TSHZ3: variants seen among roughly 807,000 people sequenced by gnomAD.
TSHZ3 encodes teashirt zinc finger homeobox 3.
In TSHZ3, 10 loss-of-function variants were observed where a neutral mutation model predicts 64.5. That is an observed-to-expected ratio of 0.16 (90% CI 0.10 to 0.26). The LOEUF (loss-of-function observed/expected upper bound fraction) is 0.26. TSHZ3 is among the 10% of genes least tolerant of loss of function. TSHZ3 has a pLI of 1.00. For missense variants in TSHZ3, 1,242 were observed against 1,421.7 expected (o/e 0.87, Z 2.03); for synonymous variants, 608 against 593.1 (o/e 1.03, Z -0.36).
chr19:31,258,527 C>G (rs747592632), intron 1 of TSHZ3, among the ~76,000 whole-genome samples: 13 of 152,162 alleles, frequency 8.5e-5, no homozygotes, highest in Admixed American at 2.6e-4. Flanking sequence ...CCAGCAGCAC[C>G]CTATCAGGCA....
chr19:31,165,170 CG>C (rs1307963080), intron 5 of TSHZ3, among the ~76,000 whole-genome samples: 16 of 152,212 alleles, frequency 1.1e-4, no homozygotes, highest in African/African-American at 3.9e-4. Context: ...CACCGCTTAG[CG>C]GTTCCTTTCA....
intron 5 of TSHZ3, among the ~76,000 whole-genome samples, chr19:31,184,041 A>T (rs1599567294): frequency 6.6e-6 from 1 of 152,282 alleles, no homozygotes; most frequent in African/African-American, 2.4e-5. Flanking sequence ...GAACGTGACG[A>T]TATTATGACC....
At chr19:31,344,011 T>C (rs897152906) in intron 1 of TSHZ3, among the ~76,000 whole-genome samples, 5 of 152,194 alleles carry the variant, frequency 3.3e-5, no homozygotes, top group African/African-American at 1.2e-4. Flanking sequence ...TATGCATGTG[T>C]CAAAGAATTT....
chr19:31,228,456 G>A (rs1175612505), intron 3 of TSHZ3, among the ~76,000 whole-genome samples: 1 of 150,558 alleles, frequency 6.6e-6, no homozygotes, highest in Non-Finnish European at 1.5e-5. Flanking sequence ...AGCCCCGGAG[G>A]CAGAGGTTAT....
At chr19:31,273,856 ACCTGCTTTCTTC>A (rs1157847252), downstream of TSHZ3, among the ~76,000 whole-genome samples, 9 of 152,288 alleles carry the variant, frequency 5.9e-5, no homozygotes, top group South Asian at 1.5e-3. Context: ...CAGGAGGGGA[ACCTGCTTTCTTC>A]CCTGCCTGGC....
rs148463075 is a variant in TSHZ3, at chr19:31,268,154, C to T, written n.64-25279G>A. On this transcript the variant is annotated intron_variant and non_coding_transcript_variant, in intron 1 of 6. Transcript: ENST00000651361. ...CTTGCCTGCCACCATGTAAGATGCGCCTTTGCTCTTTCTTCATCTTCCTCA... is the reference window on the plus strand; with the variant it reads ...CTTGCCTGCCACCATGTAAGATGCGTCTTTGCTCTTTCTTCATCTTCCTCA... Among the ~76,000 whole-genome samples, 82 of 152,272 alleles carry T rather than the reference C, an allele frequency of 5.4e-4. 1 individual carries two copies. Among genetic ancestry groups the T allele is most frequent in the Non-Finnish European group, 9.7e-4 (66 of 68,024 alleles).
chr19:31,303,169 G>A (rs773711162), intron 1 of TSHZ3, among the ~76,000 whole-genome samples: 1 of 152,188 alleles, frequency 6.6e-6, no homozygotes, highest in Non-Finnish European at 1.5e-5. Flanking sequence ...AGGCTAATGG[G>A]TGGGGTTGAC....
chr19:31,163,521 C>T (rs1974398358), intron 5 of TSHZ3, among the ~76,000 whole-genome samples: 1 of 152,108 alleles, frequency 6.6e-6, no homozygotes, highest in Admixed American at 6.6e-5. Context: ...CACTTGAGGT[C>T]AGGAGTTTGA....
At chr19:31,330,265 C>T (rs1206631930) in intron 1 of TSHZ3, among the ~76,000 whole-genome samples, 1 of 152,200 alleles carries the variant, frequency 6.6e-6, no homozygotes, top group Non-Finnish European at 1.5e-5. Context: ...CCTGAGTGAA[C>T]TTGAAGCCCC....
At chr19:31,251,837 A>G (rs1436873884) in intron 1 of TSHZ3, among the ~76,000 whole-genome samples, 1 of 152,216 alleles carries the variant, frequency 6.6e-6, no homozygotes, top group Non-Finnish European at 1.5e-5. Context: ...AGAACTATCT[A>G]GAACACTCAC....
chr19:31,206,980 C>A (rs887546842), intron 4 of TSHZ3, among the ~76,000 whole-genome samples: 1 of 152,098 alleles, frequency 6.6e-6, no homozygotes, highest in Non-Finnish European at 1.5e-5. Context: ...TTTTTTTAGT[C>A]TTGCAACATT....
intron 1 of TSHZ3, among the ~76,000 whole-genome samples, chr19:31,306,334 A>T (rs536841791): frequency 6.6e-6 from 1 of 152,350 alleles, no homozygotes; most frequent in East Asian, 1.9e-4. Context: ...CAAGAGGCCT[A>T]ACAGTCAAAT....
chr19:31,289,172 T>A (rs1003540625), intron 1 of TSHZ3, among the ~76,000 whole-genome samples: 2 of 152,182 alleles, frequency 1.3e-5, no homozygotes, highest in African/African-American at 4.8e-5. Context: ...ACAGAAGGCC[T>A]CCTGCTGTCG....
chr19:31,284,104 G>A (rs530587436), intron 1 of TSHZ3, among the ~76,000 whole-genome samples: 1 of 152,200 alleles, frequency 6.6e-6, no homozygotes, highest in South Asian at 2.1e-4. Context: ...TTAACTTTCT[G>A]TGCATTCTTG....
chr19:31,154,988 C>T (rs1974287420), intron 6 of TSHZ3, among the ~76,000 whole-genome samples: 1 of 152,222 alleles, frequency 6.6e-6, no homozygotes, highest in South Asian at 2.1e-4. Flanking sequence ...GCTGAGGGGA[C>T]ACCCCTTGCC....
intron 1 of TSHZ3, chr19:31,308,522 T>C (rs1177843388): frequency 2.5e-6 from 1 of 395,158 alleles, no homozygotes; most frequent in East Asian, 3.6e-5. Context: ...GGACCACCAC[T>C]AAGGGCTCCA....
At chr19:31,303,393 A>T (rs1474321082) in intron 1 of TSHZ3, among the ~76,000 whole-genome samples, 1 of 152,202 alleles carries the variant, frequency 6.6e-6, no homozygotes, top group African/African-American at 2.4e-5. Context: ...GATGGCATAG[A>T]CCTGGCTCAC....
intron 1 of TSHZ3, among the ~76,000 whole-genome samples, chr19:31,246,224 G>C (rs1975756245): frequency 6.6e-6 from 1 of 151,864 alleles, no homozygotes; most frequent in Non-Finnish European, 1.5e-5. Context: ...AATTTCTGTG[G>C]GTGTATAAGG....
intron 1 of TSHZ3, chr19:31,308,578 G>A (rs1242581927): frequency 1.8e-5 from 7 of 397,990 alleles, no homozygotes; most frequent in African/African-American, 4.1e-5. Context: ...TGGAGGTTTC[G>A]GAGCTCTGGG....
Sources: gnomAD v4.1 joint callset for allele counts (sites outside exome capture counted in the v4.1 genomes callset) on GRCh38, gnomAD v4.1.1 for gene constraint, MANE v1.5 for transcripts, NCBI Gene and HGNC (gene_info 2026-07-23, HGNC 2026-07-21) for gene names.